BCL2L13: variants seen among roughly 807,000 people sequenced by gnomAD.
BCL2L13 encodes bcl-2-like protein 13.
In BCL2L13, 13 loss-of-function variants were observed where a neutral mutation model predicts 25.8. The observed-to-expected ratio is 0.50, with a 90% CI of 0.33 to 0.80. The LOEUF (loss-of-function observed/expected upper bound fraction) is 0.80. Among genes scored for constraint, BCL2L13 ranks in the 30% least tolerant of loss-of-function variants. The pLI, the probability that BCL2L13 is intolerant of heterozygous loss-of-function variation, is 0.02. For missense variants in BCL2L13, 504 were observed against 574.9 expected (o/e 0.88, Z 1.26); for synonymous variants, 244 against 230.3 (o/e 1.06, Z -0.54).
At chr22:17,712,134 C>T (rs1402560737) in intron 6 of BCL2L13, among the ~76,000 whole-genome samples, 1 of 151,780 alleles carries the variant, frequency 6.6e-6, no homozygotes, top group Non-Finnish European at 1.5e-5. Flanking sequence ...TTTTTCGTAA[C>T]TCTGAAATGC....
chr22:17,660,837 T>G (rs1456094362), intron 2 of BCL2L13, among the ~76,000 whole-genome samples: 1 of 146,214 alleles, frequency 6.8e-6, no homozygotes, highest in Non-Finnish European at 1.6e-5. Context: ...CAGGTGGGAG[T>G]GCAGTGGCAC....
intron 3 of BCL2L13, among the ~76,000 whole-genome samples, chr22:17,686,927 A>G (rs896898210): frequency 6.6e-6 from 1 of 152,240 alleles, no homozygotes; most frequent in Non-Finnish European, 1.5e-5. Flanking sequence ...GAAGAGAGTA[A>G]CAAAAGGTTT....
chr22:17,658,714 AT>A (rs1171186216), intron 2 of BCL2L13, among the ~76,000 whole-genome samples: 57 of 124,352 alleles, frequency 4.6e-4, no homozygotes, highest in South Asian at 8.4e-4. Flanking sequence ...AAAAAAAAAA[AT>A]ATTTTCTATT....
intron 6 of BCL2L13, among the ~76,000 whole-genome samples, chr22:17,711,323 G>C (rs368402877): frequency 1.4e-5 from 1 of 68,984 alleles, no homozygotes; most frequent in Admixed American, 1.1e-4. Context: ...TTTGAGACAG[G>C]GTTTCACTCT....
At chr22:17,710,017 C>A (rs1351927999) in intron 6 of BCL2L13, among the ~76,000 whole-genome samples, 1 of 131,540 alleles carries the variant, frequency 7.6e-6, no homozygotes, top group Non-Finnish European at 1.5e-5. Context: ...CTGCAGTAAG[C>A]CAAGATTGCG....
rs1013754528 is a variant in BCL2L13, at chr22:17,726,419, C to G, written c.601-258C>G. On this transcript the variant is annotated intron_variant, in intron 6 of 6. Coordinates refer to ENST00000317582, the MANE Select transcript of BCL2L13 (RefSeq NM_015367.4). ...TTTCAGGTTTTCAGATTAGGATGCT[C>G]TCAGCCTGTGTGTGAATTACACTGA... Among the ~76,000 whole-genome samples the G allele has an allele frequency of 7.3e-5, 11 of 151,136 alleles. No homozygotes were observed. The East Asian group carries it at 1.8e-3, about 24-fold the overall frequency.
chr22:17,651,390 TTTATTTA>T (rs1179044214), intron 1 of BCL2L13, among the ~76,000 whole-genome samples: 5 of 150,598 alleles, frequency 3.3e-5, no homozygotes, highest in Admixed American at 6.6e-5. Flanking sequence ...TATTTATTTA[TTTATTTA>T]TTTGAGACGG....
At position 17,727,495 on chromosome 22, in the gene BCL2L13, A is replaced by C. The variant is rs1195234902; in HGVS notation, c.1419A>C (p.Ala473=). ...FGGAAAVAIL[A]VAIGVALALR... ...GGGCTGCTGCTGTTGCCATCCTGGC[A>C]GTGGCCATCGGGGTAGCCCTGGCTC... is the stretch of plus-strand genomic sequence containing the variant. The change falls in exon 7 of 7, where the codon GCA becomes GCC. Residue 473 remains alanine (A), a synonymous_variant. Transcript: ENST00000317582. 2 of 1,614,152 alleles carry C rather than the reference A, an allele frequency of 1.2e-6. No homozygotes were observed. Among genetic ancestry groups the C allele is most frequent in the Non-Finnish European group, 1.7e-6 (2 of 1,180,060 alleles).
chr22:17,710,540 A>T (rs143462202), intron 6 of BCL2L13, among the ~76,000 whole-genome samples: 3,396 of 152,184 alleles, frequency 0.022, 116 homozygotes, highest in African/African-American at 0.078. Context: ...AGATCACGCC[A>T]CTGCACTCCA....
intron 1 of BCL2L13, among the ~76,000 whole-genome samples, chr22:17,651,469 C>T (rs923154455): frequency 6.6e-6 from 1 of 151,192 alleles, no homozygotes; most frequent in Non-Finnish European, 1.5e-5. Flanking sequence ...GCAAGCTCCG[C>T]CTCCCAGGTT....
At chr22:17,649,541 C>A (rs887974856) in intron 1 of BCL2L13, among the ~76,000 whole-genome samples, 2 of 151,976 alleles carry the variant, frequency 1.3e-5, no homozygotes, top group Non-Finnish European at 2.9e-5. Flanking sequence ...CTTGCTCTGT[C>A]GCCCAGGCTG....
intron 2 of BCL2L13, among the ~76,000 whole-genome samples, chr22:17,674,910 A>G (rs2059533595): frequency 6.6e-6 from 1 of 152,090 alleles, no homozygotes; most frequent in Non-Finnish European, 1.5e-5. Context: ...GAAAAATCCA[A>G]ATAGTAAATA....
At chr22:17,657,694 T>TTTTAGTA (rs1366651830) in intron 2 of BCL2L13, among the ~76,000 whole-genome samples, 1 of 151,464 alleles carries the variant, frequency 6.6e-6, no homozygotes, top group Non-Finnish European at 1.5e-5. Flanking sequence ...TTTTTCGTAT[T>TTTTAGTA]TTTAGTAGAG....
At position 17,729,447 on chromosome 22, in the gene BCL2L13, A is replaced by G. The variant is rs1296405269; in HGVS notation, c.*1913A>G. ...GATTGTTCTGTATTCTAATTGCTAT[A>G]TTTGTGTTTGCATAGGTGAAGAGCA... On this transcript the variant is annotated 3_prime_UTR_variant, in exon 7 of 7. Coordinates refer to ENST00000317582, the MANE Select transcript of BCL2L13 (RefSeq NM_015367.4). 2 of 152,146 alleles carry G rather than the reference A, an allele frequency of 1.3e-5. No individual in the cohort carries two copies. Among genetic ancestry groups the G allele is most frequent in the African/African-American group, 4.8e-5 (2 of 41,416 alleles). 9.4% of individuals were successfully genotyped at this position (152,146 alleles called of 1,614,324 possible).
intron 4 of BCL2L13, among the ~76,000 whole-genome samples, chr22:17,690,218 C>T (rs556957953): frequency 6.6e-6 from 1 of 151,840 alleles, no homozygotes; most frequent in South Asian, 2.1e-4. Context: ...CCCAGCTACT[C>T]GGGAGGCTGA....
At chr22:17,685,023 C>T (rs981940700) in intron 3 of BCL2L13, among the ~76,000 whole-genome samples, 1 of 152,098 alleles carries the variant, frequency 6.6e-6, no homozygotes, top group African/African-American at 2.4e-5. Flanking sequence ...GCATGAGCCA[C>T]CACGCCCGGC....
At chr22:17,692,888 G>A (rs896674956) in intron 4 of BCL2L13, among the ~76,000 whole-genome samples, 4 of 152,030 alleles carry the variant, frequency 2.6e-5, no homozygotes, top group African/African-American at 4.8e-5. Flanking sequence ...ATTTCAACAT[G>A]TATTCAGTAC....
intron 1 of BCL2L13, among the ~76,000 whole-genome samples, chr22:17,647,193 T>C (rs990668947): frequency 6.6e-6 from 1 of 151,392 alleles, no homozygotes; most frequent in Non-Finnish European, 1.5e-5. Context: ...CCAGGCTGGT[T>C]TCGATCTCCT....
At chr22:17,706,862 A>G (rs748855098) in intron 6 of BCL2L13, 4 of 1,340,290 alleles carry the variant, frequency 3.0e-6, no homozygotes, top group Non-Finnish European at 3.0e-6. Flanking sequence ...TCGTCACATG[A>G]TAAATACTTC....
Sources: allele counts gnomAD v4.1 joint callset (sites outside exome capture counted in the v4.1 genomes callset), GRCh38; gene constraint gnomAD v4.1.1; transcripts MANE v1.5; gene names NCBI Gene and HGNC (gene_info 2026-07-23, HGNC 2026-07-21).